The following DZIP1 variants were observed in gnomAD, a reference collection of about 807,000 sequenced individuals.
DZIP1 encodes DAZ interacting zinc finger protein 1.
Under a neutral mutation model 107.6 loss-of-function variants are expected in DZIP1, and 97 were observed. That is an observed-to-expected ratio of 0.90 (90% confidence interval 0.77 to 1.07). The LOEUF (loss-of-function observed/expected upper bound fraction) is 1.07. Ranked by LOEUF, DZIP1 falls within the 50% of genes least tolerant of loss-of-function variation. DZIP1 has a pLI of 0.00. For synonymous variants in DZIP1, 390 were observed against 386.4 expected (o/e 1.01, Z -0.11); for missense variants, 1,035 against 1,063.6 (o/e 0.97, Z 0.37).
intron 10 of DZIP1, among the ~76,000 whole-genome samples, chr13:95,615,212 A>G (rs541500694): frequency 2.0e-4 from 31 of 151,962 alleles, no homozygotes; most frequent in African/African-American, 7.2e-4. Context: ...CTCTATCACA[A>G]CTCGCAATGA....
intron 13 of DZIP1, among the ~76,000 whole-genome samples, chr13:95,608,302 C>A (rs74109015): frequency 4.6e-5 from 7 of 151,720 alleles, no homozygotes. Context: ...CAAATGTGTA[C>A]ATTTTAAAAC....
intron 14 of DZIP1, among the ~76,000 whole-genome samples, chr13:95,602,459 A>G (rs1223413391): frequency 6.6e-6 from 1 of 152,134 alleles, no homozygotes; most frequent in African/African-American, 2.4e-5. Flanking sequence ...TCTCCTTTAT[A>G]AGCTGTAAGT....
At chr13:95,601,903 ACT>A (rs1320521047) in intron 14 of DZIP1, among the ~76,000 whole-genome samples, 2 of 151,758 alleles carry the variant, frequency 1.3e-5, no homozygotes, top group Non-Finnish European at 2.9e-5. Flanking sequence ...TGGTCTGTCC[ACT>A]CTTTCTCCAG....
rs192277150 is a variant in DZIP1 at position 95,619,311 on chromosome 13, C to G, written c.1173+574G>C. Among the ~76,000 whole-genome samples the G allele has an allele frequency of 4.5e-3, 683 of 152,268 alleles. 3 individuals are homozygous for G. The highest frequency in any genetic ancestry group is 0.015 in the African/African-American group (612 of 41,550). On this transcript the variant is annotated intron_variant, in intron 10 of 22. Coordinates refer to ENST00000376829, the MANE Select transcript of DZIP1 (RefSeq NM_198968.4). ...GGTTCTACACTTACAGAAATGCATACAAGAAAACTGAAGCAGTGGACAAGA... is the reference window on the plus strand; with the variant it reads ...GGTTCTACACTTACAGAAATGCATAGAAGAAAACTGAAGCAGTGGACAAGA...
At chr13:95,589,645 G>A (rs1000679640) in intron 18 of DZIP1, among the ~76,000 whole-genome samples, 158 bp downstream of exon 18, 9 of 152,336 alleles carry the variant, frequency 5.9e-5, no homozygotes, top group East Asian at 1.9e-4. Context: ...AGCCTTCACC[G>A]GAACCTGACT....
intron 12 of DZIP1, among the ~76,000 whole-genome samples, chr13:95,610,313 GTT>G (rs60681714): frequency 6.9e-6 from 1 of 145,976 alleles, no homozygotes; most frequent in Non-Finnish European, 1.5e-5. Context: ...GAGTTTTTTG[GTT>G]TTTTTTTTTT....
intron 6 of DZIP1, 58 bp from the exon 7 acceptor site, chr13:95,630,171 T>A (rs1392223120): frequency 3.8e-6 from 6 of 1,571,336 alleles, no homozygotes; most frequent in Non-Finnish European, 5.2e-6. Context: ...ACCTGGAAAC[T>A]TATGGGGTAC....
At chr13:95,636,891 A>T (rs1283911497) in intron 5 of DZIP1, 3 of 152,188 alleles carry the variant, frequency 2.0e-5, no homozygotes, top group Non-Finnish European at 4.4e-5. Context: ...AGAACACTCA[A>T]CACCAAGACA....
intron 10 of DZIP1, among the ~76,000 whole-genome samples, chr13:95,614,791 A>G (rs955470749): frequency 2.0e-5 from 3 of 152,154 alleles, no homozygotes; most frequent in African/African-American, 4.8e-5. Context: ...AGGGCATGCC[A>G]TCGCTTATCT....
chr13:95,615,868 A>C (rs1874991094), intron 10 of DZIP1, among the ~76,000 whole-genome samples: 1 of 152,192 alleles, frequency 6.6e-6, no homozygotes. Flanking sequence ...TACTTCACAG[A>C]ACTCTTAGAA....
At chr13:95,631,341 C>T (rs1001871465) in intron 6 of DZIP1, among the ~76,000 whole-genome samples, 1 of 151,982 alleles carries the variant, frequency 6.6e-6, no homozygotes, top group Non-Finnish European at 1.5e-5. Flanking sequence ...GTAGTGAGTG[C>T]CCGTAGTCCC....
chr13:95,600,180 T>C (rs1340120807), intron 14 of DZIP1, among the ~76,000 whole-genome samples: 1 of 152,160 alleles, frequency 6.6e-6, no homozygotes, highest in Non-Finnish European at 1.5e-5. Flanking sequence ...TGAAGGAAAT[T>C]TCCTTCATGG....
intron 20 of DZIP1, 99 bp from the exon 21 acceptor site, chr13:95,586,235 C>CCTG: frequency 1.0e-6 from 1 of 981,120 alleles, no homozygotes; most frequent in Non-Finnish European, 1.4e-6. Context: ...AGAGTCTAAG[C>CCTG]TTTGGAAGTA....
intron 6 of DZIP1, among the ~76,000 whole-genome samples, chr13:95,631,011 T>C (rs1877128267): frequency 6.6e-6 from 1 of 152,236 alleles, no homozygotes. Context: ...TATTATGCTG[T>C]TATTTTTGTT....
At chr13:95,622,273 C>T (rs1323221256) in intron 9 of DZIP1, 70 bp downstream of exon 9, 28 of 1,593,268 alleles carry the variant, frequency 1.8e-5, no homozygotes, top group Non-Finnish European at 2.2e-5. Flanking sequence ...CTGCAGATGA[C>T]ACTCACTGTA....
chr13:95,585,622 G>A (rs112904110), intron 21 of DZIP1, among the ~76,000 whole-genome samples: 7 of 152,204 alleles, frequency 4.6e-5, no homozygotes, highest in African/African-American at 1.7e-4. Context: ...CCCTCACTTC[G>A]GCTCCCAAGT....
chr13:95,611,158 A>C (rs2044990644), intron 12 of DZIP1, among the ~76,000 whole-genome samples: 1 of 152,224 alleles, frequency 6.6e-6, no homozygotes, highest in African/African-American at 2.4e-5. Context: ...ACAGTGTATA[A>C]GTCAAGAGGT....
At chr13:95,626,305 CTT>C (rs1247787826) in intron 7 of DZIP1, among the ~76,000 whole-genome samples, 24 of 152,082 alleles carry the variant, frequency 1.6e-4, no homozygotes, top group Admixed American at 1.6e-3. Context: ...AAATTTGGTT[CTT>C]TACAAAGATC....
chr13:95,629,543 C>A (rs1345148651), intron 7 of DZIP1, among the ~76,000 whole-genome samples: 1 of 152,170 alleles, frequency 6.6e-6, no homozygotes, highest in Non-Finnish European at 1.5e-5. Context: ...AAATTAGGAG[C>A]AGCCCTCCCT....
Sources: gnomAD v4.1 joint callset for allele counts (sites outside exome capture counted in the v4.1 genomes callset) on GRCh38, gnomAD v4.1.1 for gene constraint, MANE v1.5 for transcripts, NCBI Gene and HGNC (gene_info 2026-07-23, HGNC 2026-07-21) for gene names.